Variants in ZHX3 observed in about 807,000 individuals in gnomAD.
ZHX3 encodes the protein zinc fingers and homeoboxes protein 3.
In ZHX3, 20 loss-of-function variants were observed where a neutral mutation model predicts 64.5. That is an observed-to-expected ratio of 0.31 (90% CI 0.22 to 0.45). The LOEUF is 0.45. Ranked by LOEUF, ZHX3 falls within the 20% of genes least tolerant of loss-of-function variation. The pLI, the probability that ZHX3 is intolerant of heterozygous loss-of-function variation, is 1.00. For missense variants in ZHX3, 1,041 were observed against 1,195.8 expected, an observed-to-expected ratio of 0.87 and a Z score of 1.91; for synonymous variants, 423 against 461.6, an observed-to-expected ratio of 0.92 and a Z score of 1.07.
rs149109520 is a variant in ZHX3 at position 41,263,928 on chromosome 20, C to T, written c.-151+5062G>A. On this transcript the variant is annotated intron_variant, in intron 2 of 3. Transcript: ENST00000683867. ...TGTGAATAGACTAAAATTGATACTACTGGCAAGTGCAAAAAAAGGAAACAT... is the reference window on the plus strand; with the variant it reads ...TGTGAATAGACTAAAATTGATACTATTGGCAAGTGCAAAAAAAGGAAACAT... Among the ~76,000 whole-genome samples the T allele has an allele frequency of 3.4e-3, 524 of 151,954 alleles. 6 individuals carry two copies. Among genetic ancestry groups the T allele is most frequent in the African/African-American group, 0.012 (496 of 41,424 alleles).
chr20:41,312,340 A>G (rs914420969), intron 1 of ZHX3, among the ~76,000 whole-genome samples: 2 of 152,234 alleles, frequency 1.3e-5, no homozygotes, highest in Non-Finnish European at 2.9e-5. Context: ...TAGCCACCCC[A>G]GCCAGTAGCA....
intron 1 of ZHX3, among the ~76,000 whole-genome samples, chr20:41,284,645 A>C (rs944695114): frequency 2.0e-5 from 3 of 152,160 alleles, no homozygotes; most frequent in African/African-American, 7.2e-5. Context: ...AGCTCTCTGC[A>C]ATCATTTTCC....
intron 1 of ZHX3, among the ~76,000 whole-genome samples, chr20:41,296,227 T>C (rs1434645048): frequency 2.1e-5 from 1 of 47,166 alleles, no homozygotes; most frequent in African/African-American, 7.2e-5. Flanking sequence ...CTCAAGTTCA[T>C]AAAGTAAAAA....
rs148666934 is a variant in ZHX3, at chr20:41,223,465, AAC to A, written c.-150-18401_-150-18400del. Reference sequence around the variant, plus strand: ...TTATGGCACACTTATACAATGGAGTAACACACTTGTGAAAAAGAACAAGGGAG... The same window carrying A: ...TTATGGCACACTTATACAATGGAGTAACACTTGTGAAAAAGAACAAGGGAG... On this transcript the variant is annotated intron_variant, in intron 2 of 3. Transcript: ENST00000683867. 2.7e-3 allele frequency among the ~76,000 whole-genome samples: 413 copies of A among 152,384 alleles called. 3 individuals are homozygous for A. Among genetic ancestry groups the A allele is most frequent in the African/African-American group, 9.5e-3 (397 of 41,590 alleles).
At chr20:41,253,245 TA>T (rs11469825) in intron 2 of ZHX3, among the ~76,000 whole-genome samples, 12,980 of 144,148 alleles carry the variant, frequency 0.09, 584 homozygotes, top group Middle Eastern at 0.18. Flanking sequence ...GGGACTACAG[TA>T]AAAAAAAAAA....
intron 1 of ZHX3, among the ~76,000 whole-genome samples, chr20:41,295,436 T>C (rs1408449934): frequency 6.6e-6 from 1 of 152,176 alleles, no homozygotes; most frequent in Admixed American, 6.5e-5. Flanking sequence ...ATTCTAGCCA[T>C]ATAAAATTAT....
rs555341260 is a variant in ZHX3, at chr20:41,225,220, C to G, written c.-150-20154G>C. Among the ~76,000 whole-genome samples the G allele has an allele frequency of 8.5e-5, 13 of 152,272 alleles. No homozygotes were observed. The East Asian group carries it at 1.7e-3, about 20-fold the overall frequency. On this transcript the variant is annotated intron_variant, in intron 2 of 3. Coordinates refer to ENST00000683867, the MANE Select transcript of ZHX3 (RefSeq NM_001384317.1). ...AGCTATTAATACCTACCTCATAGAC[C>G]TGACATGACATTCGGTGAATTGATA...
intron 1 of ZHX3, among the ~76,000 whole-genome samples, chr20:41,302,195 C>T (rs2044844124): frequency 1.3e-5 from 2 of 151,940 alleles, no homozygotes; most frequent in Admixed American, 1.3e-4. Context: ...TCCTGGGTCT[C>T]ACTAGTAGGG....
At chr20:41,258,586 G>A (rs1324444439) in intron 2 of ZHX3, among the ~76,000 whole-genome samples, 1 of 152,082 alleles carries the variant, frequency 6.6e-6, no homozygotes, top group African/African-American at 2.4e-5. Context: ...ATTCGGGTTT[G>A]CCTGATGTTT....
At chr20:41,307,659 G>C (rs967626425) in intron 1 of ZHX3, among the ~76,000 whole-genome samples, 1 of 152,136 alleles carries the variant, frequency 6.6e-6, no homozygotes, top group Non-Finnish European at 1.5e-5. Flanking sequence ...TTGTAGTCTT[G>C]CTAAAATAAA....
chr20:41,190,682 C>T (rs755568534), intron 3 of ZHX3, among the ~76,000 whole-genome samples: 15 of 152,154 alleles, frequency 9.9e-5, no homozygotes, highest in Non-Finnish European at 1.2e-4. Flanking sequence ...CATGTTTTCA[C>T]TTCCATGTTT....
intron 2 of ZHX3, among the ~76,000 whole-genome samples, chr20:41,230,423 A>G (rs1405722991): frequency 2.0e-5 from 3 of 152,170 alleles, no homozygotes; most frequent in African/African-American, 7.2e-5. Context: ...CTGAGAATTG[A>G]GGCTTCTGAG....
chr20:41,294,055 G>A (rs1245652126), intron 1 of ZHX3, among the ~76,000 whole-genome samples: 1 of 152,098 alleles, frequency 6.6e-6, no homozygotes, highest in East Asian at 1.9e-4. Context: ...TTGTAAAGAA[G>A]TGAATAGACA....
At chr20:41,260,770 C>A (rs1345343058) in intron 2 of ZHX3, among the ~76,000 whole-genome samples, 68 of 152,232 alleles carry the variant, frequency 4.5e-4, no homozygotes, top group Non-Finnish European at 5.9e-5. Context: ...ACCTTCACAA[C>A]AACCCTTGGT....
intron 1 of ZHX3, among the ~76,000 whole-genome samples, chr20:41,273,550 C>A (rs1436836254): frequency 6.6e-6 from 1 of 152,054 alleles, no homozygotes; most frequent in African/African-American, 2.4e-5. Flanking sequence ...TGTGTGGGGT[C>A]CAACTTCATT....
chr20:41,300,738 G>A (rs2044769915), intron 1 of ZHX3, among the ~76,000 whole-genome samples: 2 of 152,154 alleles, frequency 1.3e-5, no homozygotes, highest in Admixed American at 6.5e-5. Flanking sequence ...TTTATTCTAT[G>A]CAGAGGGGCA....
intron 2 of ZHX3, chr20:41,239,528 C>T (rs1195250149): frequency 2.0e-5 from 3 of 152,374 alleles, no homozygotes; most frequent in African/African-American, 7.2e-5. Flanking sequence ...GGTCACATGC[C>T]CAGCCATGAA....
chr20:41,196,543 T>A (rs1186749381), intron 3 of ZHX3: 1 of 86,932 alleles, frequency 1.2e-5, no homozygotes, highest in Non-Finnish European at 2.1e-5. Context: ...ATAAATATTA[T>A]ATATAATATA....
intron 2 of ZHX3, among the ~76,000 whole-genome samples, chr20:41,247,831 C>G (rs1027773707): frequency 9.2e-5 from 14 of 152,194 alleles, no homozygotes; most frequent in Admixed American, 8.5e-4. Context: ...CCACTTCAGC[C>G]TGGTATCATG....
Sources: allele counts gnomAD v4.1 joint callset (sites outside exome capture counted in the v4.1 genomes callset), GRCh38; gene constraint gnomAD v4.1.1; transcripts MANE v1.5; gene names NCBI Gene and HGNC (gene_info 2026-07-23, HGNC 2026-07-21).